ADAMTSL1: variants seen among roughly 807,000 people sequenced by gnomAD.
The protein encoded by ADAMTSL1 is ADAMTS-like protein 1.
Under a neutral mutation model 201.8 loss-of-function variants are expected in ADAMTSL1, and 126 were observed. The observed-to-expected ratio is 0.62, with a 90% CI of 0.54 to 0.72. ADAMTSL1 has a LOEUF of 0.72. ADAMTSL1 is among the 30% of genes least tolerant of loss of function. The probability of loss-of-function intolerance (pLI) is 0.00; values close to 1 mark genes in which losing one functional copy is unlikely to be tolerated. For missense variants in ADAMTSL1, 2,679 were observed against 2,277.8 expected (o/e 1.18, Z -3.59); for synonymous variants, 1,121 against 903.4 (o/e 1.24, Z -4.32).
At position 18,828,664 on chromosome 9, in the gene ADAMTSL1, A is replaced by T. The variant is rs1330196068; in HGVS notation, c.4115-1179A>T. 6.7e-4 allele frequency among the ~76,000 whole-genome samples: 48 copies of T among 71,592 alleles called. 3 individuals are homozygous for T. The highest frequency in any genetic ancestry group is 3.0e-3 in the African/African-American group (44 of 14,470). The allele number at this position is 71,592 out of a possible 152,430, so 47.0% of individuals were successfully genotyped here. ...AGGATTCTTTTGAAAGTATATTTATATATATATATATATATATATATATAT... is the reference window on the plus strand; with the variant it reads ...AGGATTCTTTTGAAAGTATATTTATTTATATATATATATATATATATATAT... On this transcript the variant is annotated intron_variant, in intron 22 of 28. Coordinates refer to ENST00000380548, the MANE Select transcript of ADAMTSL1 (RefSeq NM_001040272.6).
At chr9:18,831,047 C>T (rs1303128771) in intron 23 of ADAMTSL1, among the ~76,000 whole-genome samples, 1 of 152,210 alleles carries the variant, frequency 6.6e-6, no homozygotes, top group African/African-American at 2.4e-5. Context: ...CCACAGGGGC[C>T]TGGTATCTTT....
chr9:18,876,583 A>G (rs1049662347), intron 23 of ADAMTSL1, among the ~76,000 whole-genome samples: 1 of 152,160 alleles, frequency 6.6e-6, no homozygotes, highest in African/African-American at 2.4e-5. Flanking sequence ...ATAGGACCCC[A>G]ATCACTTCTA....
chr9:18,271,942 T>A (rs908134482), intron 2 of ADAMTSL1, among the ~76,000 whole-genome samples: 2 of 151,774 alleles, frequency 1.3e-5, no homozygotes, highest in East Asian at 1.9e-4. Context: ...ATGAGCATTT[T>A]TTCATGTGTC....
chr9:17,920,946 G>A (rs983027947), intron 1 of ADAMTSL1, among the ~76,000 whole-genome samples: 1 of 152,186 alleles, frequency 6.6e-6, no homozygotes, highest in African/African-American at 2.4e-5. Flanking sequence ...TCATAATGCT[G>A]TGCCTTGCTG....
chr9:18,457,462 G>T (rs144097658), intron 2 of ADAMTSL1, among the ~76,000 whole-genome samples: 7 of 152,142 alleles, frequency 4.6e-5, no homozygotes, highest in Non-Finnish European at 7.3e-5. Flanking sequence ...CTTCTGAGTG[G>T]CTGGCTAGGA....
chr9:18,629,302 A>G (rs930312120), intron 5 of ADAMTSL1, among the ~76,000 whole-genome samples: 10 of 152,108 alleles, frequency 6.6e-5, no homozygotes, highest in African/African-American at 2.2e-4. Context: ...AATGATGACA[A>G]TGGAGGTCCT....
intron 23 of ADAMTSL1, among the ~76,000 whole-genome samples, chr9:18,830,945 T>C (rs1443321442): frequency 6.6e-6 from 1 of 152,172 alleles, no homozygotes. Context: ...TGGCTCAAAG[T>C]TTAAAGCTTC....
rs1564144763 is a variant in ADAMTSL1 at position 18,680,521 on chromosome 9, C to T, written c.1341+5C>T. 1.9e-6 allele frequency: 3 copies of T among 1,614,030 alleles called. No individual in the cohort carries two copies. The highest frequency in any genetic ancestry group is 2.5e-6 in the Non-Finnish European group (3 of 1,179,926). The stretch of plus-strand genomic sequence containing the variant: ...CTGGCACAGGAGTGGTCTCCGGTAA[C>T]TGTGCCTTCTTTCTTTGTTCATTAG... On this transcript the variant is annotated splice_donor_5th_base_variant and intron_variant, in intron 11 of 28. Transcript: ENST00000380548.
At chr9:18,199,496 G>GA (rs1448085847) in intron 2 of ADAMTSL1, among the ~76,000 whole-genome samples, 2 of 151,964 alleles carry the variant, frequency 1.3e-5, no homozygotes, top group African/African-American at 2.4e-5. Flanking sequence ...GGCAATGAAA[G>GA]AAAAAACAAT....
chr9:18,342,090 A>G (rs1285760482), intron 2 of ADAMTSL1, among the ~76,000 whole-genome samples: 1 of 152,058 alleles, frequency 6.6e-6, no homozygotes, highest in Non-Finnish European at 1.5e-5. Flanking sequence ...ATTTTTTCCC[A>G]CTTGCTGCCT....
intron 2 of ADAMTSL1, among the ~76,000 whole-genome samples, chr9:18,379,397 T>C (rs575989957): frequency 2.6e-5 from 4 of 152,068 alleles, no homozygotes; most frequent in Non-Finnish European, 5.9e-5. Flanking sequence ...AGCAGTCAGC[T>C]TTTTTTTCCC....
At chr9:18,750,360 A>C (rs147412582) in intron 15 of ADAMTSL1, among the ~76,000 whole-genome samples, 3 of 152,182 alleles carry the variant, frequency 2.0e-5, no homozygotes, top group African/African-American at 4.8e-5. Context: ...TTTTGAGCTT[A>C]TGATATAAAT....
intron 23 of ADAMTSL1, among the ~76,000 whole-genome samples, chr9:18,862,874 T>A (rs1307922447): frequency 2.6e-5 from 4 of 152,046 alleles, no homozygotes; most frequent in Non-Finnish European, 5.9e-5. Flanking sequence ...GTTGAAACTT[T>A]AAAAAAAATG....
chr9:18,186,419 C>G (rs1255632237), intron 2 of ADAMTSL1, among the ~76,000 whole-genome samples: 1 of 152,126 alleles, frequency 6.6e-6, no homozygotes, highest in Non-Finnish European at 1.5e-5. Flanking sequence ...TGAGTAAATG[C>G]TGGCAATGTC....
At chr9:18,895,226 C>G (rs1031869052) in intron 26 of ADAMTSL1, among the ~76,000 whole-genome samples, 2 of 152,082 alleles carry the variant, frequency 1.3e-5, no homozygotes, top group Non-Finnish European at 2.9e-5. Flanking sequence ...GGGACATTAG[C>G]AAAATGGCAA....
intron 14 of ADAMTSL1, 31 bp downstream of exon 14, chr9:18,707,079 G>C (rs768525662): frequency 6.3e-7 from 1 of 1,591,480 alleles, no homozygotes; most frequent in East Asian, 2.2e-5. Flanking sequence ...TCAGATCCCC[G>C]CCATCTTCTT....
At chr9:18,868,018 T>C (rs1338192273) in intron 23 of ADAMTSL1, among the ~76,000 whole-genome samples, 1 of 152,214 alleles carries the variant, frequency 6.6e-6, no homozygotes, top group Non-Finnish European at 1.5e-5. Flanking sequence ...ATTTTTTTTC[T>C]AGTCTTTTTA....
chr9:18,185,127 A>G (rs1338073377), intron 2 of ADAMTSL1, among the ~76,000 whole-genome samples: 1 of 152,140 alleles, frequency 6.6e-6, no homozygotes, highest in Non-Finnish European at 1.5e-5. Context: ...CCTGGTCTTT[A>G]TAGCCTGGTG....
intron 13 of ADAMTSL1, among the ~76,000 whole-genome samples, chr9:18,702,472 A>T (rs1831978468): frequency 6.6e-6 from 1 of 152,210 alleles, no homozygotes; most frequent in Non-Finnish European, 1.5e-5. Flanking sequence ...TTTATAAGTG[A>T]ATTTTATTGT....
Sources: allele counts gnomAD v4.1 joint callset (sites outside exome capture counted in the v4.1 genomes callset), GRCh38; gene constraint gnomAD v4.1.1; transcripts MANE v1.5; gene names NCBI Gene and HGNC (gene_info 2026-07-23, HGNC 2026-07-21).